Variants in SLC9A9 observed in about 807,000 individuals in gnomAD.
SLC9A9 encodes the protein sodium/hydrogen exchanger 9.
Under a neutral mutation model 77.8 loss-of-function variants are expected in SLC9A9, and 62 were observed. That is an observed-to-expected ratio of 0.80 (90% CI 0.65 to 0.98). The LOEUF is 0.98. SLC9A9 is among the 50% of genes least tolerant of loss of function. SLC9A9 has a pLI of 0.00. For synonymous variants in SLC9A9, 320 were observed against 283.5 expected, an observed-to-expected ratio of 1.13 and a Z score of -1.29; for missense variants, 775 against 774.9, an observed-to-expected ratio of 1.00 and a Z score of 0.00.
intron 4 of SLC9A9, among the ~76,000 whole-genome samples, chr3:143,693,722 A>G (rs1319664745): frequency 2.6e-5 from 4 of 152,106 alleles, no homozygotes. Flanking sequence ...TTTCAAGTCC[A>G]TCACTGTGAT....
intron 4 of SLC9A9, among the ~76,000 whole-genome samples, chr3:143,747,274 G>A (rs1935216315): frequency 6.6e-6 from 1 of 151,926 alleles, no homozygotes. Flanking sequence ...TGTGGTGGCA[G>A]GTGCCTGTAA....
Position 143,703,088 on chromosome 3 carries a change from C to G in SLC9A9, c.534-9781G>C, listed in dbSNP as rs142693236. 5.4e-3 allele frequency among the ~76,000 whole-genome samples: 822 copies of G among 152,038 alleles called. 8 individuals carry two copies. The highest frequency in any genetic ancestry group is 0.019 in the African/African-American group (792 of 41,496). Reference sequence around the variant, plus strand: ...ATATATAAAGCAAAAAATTTTCGAGCTAAAGAGTGAGATAGACCCCAATAC... The same window carrying G: ...ATATATAAAGCAAAAAATTTTCGAGGTAAAGAGTGAGATAGACCCCAATAC... On this transcript the variant is annotated intron_variant, in intron 4 of 15. Coordinates refer to ENST00000316549, the MANE Select transcript of SLC9A9 (RefSeq NM_173653.4).
intron 15 of SLC9A9, 96 bp downstream of exon 15, chr3:143,268,779 G>C (rs1467751307): frequency 1.4e-5 from 8 of 584,878 alleles, no homozygotes; most frequent in South Asian, 1.3e-4. Flanking sequence ...AATCCTGCAA[G>C]TAGCAGGCTT....
At chr3:143,781,611 T>C (rs1325216482) in intron 4 of SLC9A9, among the ~76,000 whole-genome samples, 2 of 152,200 alleles carry the variant, frequency 1.3e-5, no homozygotes, top group Admixed American at 6.5e-5. Context: ...CAAATTCACA[T>C]AGGTGTTGAA....
intron 6 of SLC9A9, among the ~76,000 whole-genome samples, chr3:143,630,891 C>T (rs1257999737): frequency 6.6e-6 from 1 of 151,984 alleles, no homozygotes; most frequent in Non-Finnish European, 1.5e-5. Context: ...TCAAACTAAC[C>T]TTAAATACAC....
rs1937702107 is a variant in SLC9A9 at position 143,266,022 on chromosome 3, A to G, written c.*680T>C. 3 of 701,786 alleles carry G rather than the reference A, an allele frequency of 4.3e-6. No individual in the cohort carries two copies. The highest frequency in any genetic ancestry group is 3.5e-5 in the African/African-American group (2 of 57,212). The allele number at this position is 701,786 out of a possible 1,614,324, so 43.5% of individuals were successfully genotyped here. Reference sequence around the variant, plus strand: ...TTGGAATGGTCCTACTAAGCTTGAAAGTGGTGCTGCATTTAGGGCAGGGCA... The same window carrying G: ...TTGGAATGGTCCTACTAAGCTTGAAGGTGGTGCTGCATTTAGGGCAGGGCA... On this transcript the variant is annotated 3_prime_UTR_variant, in exon 16 of 16. Coordinates refer to ENST00000316549, the MANE Select transcript of SLC9A9 (RefSeq NM_173653.4).
At chr3:143,425,580 A>G (rs1207633425) in intron 12 of SLC9A9, among the ~76,000 whole-genome samples, 3 of 152,144 alleles carry the variant, frequency 2.0e-5, no homozygotes, top group Admixed American at 2.0e-4. Context: ...TTAATGTCAA[A>G]CTGAAAAAAT....
At position 143,393,010 on chromosome 3, in the gene SLC9A9, C is replaced by T. The variant is rs139643426; in HGVS notation, c.1470-10896G>A. 6.8e-3 allele frequency among the ~76,000 whole-genome samples: 1,036 copies of T among 152,208 alleles called. 9 individuals are homozygous for T. The highest frequency in any genetic ancestry group is 0.023 in the African/African-American group (970 of 41,510). On this transcript the variant is annotated intron_variant, in intron 12 of 15. Coordinates refer to ENST00000316549, the MANE Select transcript of SLC9A9 (RefSeq NM_173653.4). ...CAATAATAATGGGAGACTTTAACAC[C>T]CCACTGTCAATATTAGACAGATAAA...
intron 12 of SLC9A9, among the ~76,000 whole-genome samples, chr3:143,463,372 T>A (rs549327193): frequency 6.6e-6 from 1 of 152,348 alleles, no homozygotes; most frequent in South Asian, 2.1e-4. Context: ...GTTACCATCT[T>A]GAAGCTTATT....
intron 9 of SLC9A9, among the ~76,000 whole-genome samples, chr3:143,502,548 A>C (rs1453854212): frequency 1.3e-5 from 2 of 151,976 alleles, no homozygotes; most frequent in Non-Finnish European, 2.9e-5. Flanking sequence ...TATCCACACA[A>C]AAAAATGTAA....
chr3:143,350,299 AC>A lies in SLC9A9; in HGVS notation c.1604+13184del, dbSNP rs542021604. On this transcript the variant is annotated intron_variant, in intron 14 of 15. Transcript: ENST00000316549. ...TTTCCTTTCTATTCCCATTGCAACT[AC>A]CATAATTGAGGCCCCCGTGACTTCT... 1.0e-3 allele frequency among the ~76,000 whole-genome samples: 152 copies of A among 152,184 alleles called. 1 individual carries two copies. Among genetic ancestry groups the A allele is most frequent in the African/African-American group, 3.1e-3 (130 of 41,502 alleles).
intron 6 of SLC9A9, among the ~76,000 whole-genome samples, chr3:143,585,721 T>C (rs1333510747): frequency 6.6e-6 from 1 of 152,192 alleles, no homozygotes; most frequent in Non-Finnish European, 1.5e-5. Context: ...CATAGAACAC[T>C]GGGCTGGGTG....
At chr3:143,461,683 C>T (rs909180431) in intron 12 of SLC9A9, among the ~76,000 whole-genome samples, 1 of 152,158 alleles carries the variant, frequency 6.6e-6, no homozygotes, top group Non-Finnish European at 1.5e-5. Flanking sequence ...AGTCTAACTC[C>T]ACAGTATATG....
At chr3:143,402,233 C>T (rs188531527) in intron 12 of SLC9A9, among the ~76,000 whole-genome samples, 59 of 152,068 alleles carry the variant, frequency 3.9e-4, no homozygotes, top group East Asian at 7.7e-4. Flanking sequence ...CCTACCTCAA[C>T]GAATAAAAAG....
At chr3:143,450,194 A>G (rs1043649353) in intron 12 of SLC9A9, among the ~76,000 whole-genome samples, 6 of 135,334 alleles carry the variant, frequency 4.4e-5, no homozygotes, top group Non-Finnish European at 3.1e-5. Context: ...TAAATATAAT[A>G]TATAAATATA....
At chr3:143,780,026 C>G (rs2007819565) in intron 4 of SLC9A9, among the ~76,000 whole-genome samples, 1 of 152,192 alleles carries the variant, frequency 6.6e-6, no homozygotes, top group South Asian at 2.1e-4. Context: ...CCCTGTGGAG[C>G]TCAGTGGATA....
rs1469664523 is a variant in SLC9A9 at position 143,832,001 on chromosome 3, A to G, written c.378+18T>C. 1.2e-6 allele frequency: 2 copies of G among 1,601,724 alleles called. No individual in the cohort carries two copies. The highest frequency in any genetic ancestry group is 1.7e-6 in the Non-Finnish European group (2 of 1,170,932). On this transcript the variant is annotated intron_variant, in intron 2 of 15. Coordinates refer to ENST00000316549, the MANE Select transcript of SLC9A9 (RefSeq NM_173653.4). Reference sequence around the variant, plus strand: ...TTATACTGTAAAACAAATATATAATACCAGACAGGATCCTTACCTTTTCAA... The same window carrying G: ...TTATACTGTAAAACAAATATATAATGCCAGACAGGATCCTTACCTTTTCAA...
intron 5 of SLC9A9, among the ~76,000 whole-genome samples, chr3:143,658,032 A>C (rs1337166361): frequency 6.6e-6 from 1 of 151,990 alleles, no homozygotes; most frequent in Non-Finnish European, 1.5e-5. Context: ...ATGCCTGGAT[A>C]ATTTTTGAAT....
In SLC9A9 at chr3:143,568,864, G is replaced by A. The variant is rs527426213; in HGVS notation, c.1000+5224C>T. ...CAGAGAATAAATCAAATAGTGCAGT[G>A]CAATCTAGATGCACATATACAAACA... On this transcript the variant is annotated intron_variant, in intron 8 of 15. Transcript: ENST00000316549. 1.4e-4 allele frequency among the ~76,000 whole-genome samples: 21 copies of A among 152,172 alleles called. No individual in the cohort carries two copies. In the East Asian group the frequency reaches 3.3e-3, roughly 24 times the overall value.
Sources: gnomAD v4.1 joint callset for allele counts (sites outside exome capture counted in the v4.1 genomes callset) on GRCh38, gnomAD v4.1.1 for gene constraint, MANE v1.5 for transcripts, NCBI Gene and HGNC (gene_info 2026-07-23, HGNC 2026-07-21) for gene names.